PPIG: variants seen among roughly 807,000 people sequenced by gnomAD.
PPIG encodes peptidyl-prolyl cis-trans isomerase G.
In PPIG, 26 loss-of-function variants were observed where a neutral mutation model predicts 87.9. That is an observed-to-expected ratio of 0.30 (90% CI 0.22 to 0.41). PPIG has a LOEUF of 0.41. Ranked by LOEUF, PPIG falls within the 10% of genes least tolerant of loss-of-function variation. The pLI, the probability that PPIG is intolerant of heterozygous loss-of-function variation, is 1.00. For synonymous variants in PPIG, 308 were observed against 276.5 expected (o/e 1.11, Z -1.13); for missense variants, 722 against 879.4 (o/e 0.82, Z 2.26).
intron 9 of PPIG, among the ~76,000 whole-genome samples, chr2:169,615,245 C>G (rs779923142): frequency 3.9e-5 from 6 of 152,170 alleles, no homozygotes; most frequent in Non-Finnish European, 8.8e-5. Flanking sequence ...GATGGGGTTT[C>G]ACCATATTGG....
At chr2:169,605,842 T>C (rs1685311314) in intron 4 of PPIG, among the ~76,000 whole-genome samples, 197 bp from the exon 5 acceptor site, 1 of 152,144 alleles carries the variant, frequency 6.6e-6, no homozygotes, top group Non-Finnish European at 1.5e-5. Context: ...AGGTATATTA[T>C]TTGAGAGTGA....
intron 1 of PPIG, among the ~76,000 whole-genome samples, chr2:169,595,848 G>A (rs1685001436): frequency 1.3e-5 from 2 of 152,256 alleles, no homozygotes; most frequent in Admixed American, 1.3e-4. Flanking sequence ...TTGTTGCCCA[G>A]GCTGGAGTGC....
chr2:169,639,005 G>C lies in PPIG; in HGVS notation c.*1482G>C, dbSNP rs1476920446. The C allele has an allele frequency of 6.6e-6, 1 of 151,946 alleles. No homozygotes were observed. The highest frequency in any genetic ancestry group is 1.5e-5 in the Non-Finnish European group (1 of 67,910). The allele number at this position is 151,946 out of a possible 1,614,324, so 9.4% of individuals were successfully genotyped here. On this transcript the variant is annotated 3_prime_UTR_variant, in exon 14 of 14. Coordinates refer to ENST00000260970, the MANE Select transcript of PPIG (RefSeq NM_004792.3). ...ATCCAGTAGCTACTCAATGCTATTT[G>C]TACTGAATAAAGCAATTATTAACAT...
intron 9 of PPIG, among the ~76,000 whole-genome samples, chr2:169,615,606 C>G (rs1685591011): frequency 6.6e-6 from 1 of 152,186 alleles, no homozygotes; most frequent in African/African-American, 2.4e-5. Flanking sequence ...TATAACATAA[C>G]TTCCTCTGGG....
intron 9 of PPIG, among the ~76,000 whole-genome samples, chr2:169,620,071 C>G (rs1364101417): frequency 6.6e-6 from 1 of 151,966 alleles, no homozygotes; most frequent in Non-Finnish European, 1.5e-5. Context: ...TGTGCAGAAC[C>G]CTGTTAGTTT....
intron 1 of PPIG, among the ~76,000 whole-genome samples, chr2:169,596,389 G>C (rs1027425892): frequency 2.6e-5 from 4 of 152,212 alleles, no homozygotes; most frequent in Non-Finnish European, 5.9e-5. Flanking sequence ...ACAGGCGTGA[G>C]CCTTCGCACC....
At chr2:169,608,073 A>G (rs1032943434) in intron 6 of PPIG, among the ~76,000 whole-genome samples, 12 of 152,334 alleles carry the variant, frequency 7.9e-5, no homozygotes, top group Middle Eastern at 3.4e-3. Context: ...TTATTTAAAT[A>G]AAGTGGTGTT....
Position 169,637,496 on chromosome 2 carries a change from T to G in PPIG, c.2238T>G (p.Pro746=), listed in dbSNP as rs1686215097. Residue 746 remains proline, a synonymous_variant, in exon 14 of 14, where the codon CCT becomes CCG. Transcript: ENST00000260970. ...AAAAATTTGATCATGAATCAAGCCC[T>G]GGAACAGATGAAGACAAAAGCGGAT... ...KNKKFDHESS[P]GTDEDKSG is the part of the protein sequence containing the mutation. The G allele has an allele frequency of 6.3e-7, 1 of 1,590,978 alleles. No individual in the cohort carries two copies. The highest frequency in any genetic ancestry group is 1.4e-5 in the African/African-American group (1 of 73,240).
chr2:169,616,215 A>G (rs780978533), intron 9 of PPIG, among the ~76,000 whole-genome samples: 1 of 152,172 alleles, frequency 6.6e-6, no homozygotes, highest in Admixed American at 6.5e-5. Context: ...TCCATGGTGT[A>G]TATGTGCCAC....
rs751329611 is a variant in PPIG at position 169,636,094 on chromosome 2, T to C, written c.1020T>C (p.Arg340=). 8.1e-6 allele frequency: 13 copies of C among 1,595,970 alleles called. No homozygotes were observed. Among genetic ancestry groups the C allele is most frequent in the Non-Finnish European group, 1.0e-5 (12 of 1,172,980 alleles). The change falls in exon 13 of 14, where the codon CGT becomes CGC. Residue 340 remains arginine (R), a splice_region_variant and synonymous_variant. Transcript: ENST00000260970. ...TTCCCTATTTTAATTTTCTTTAGCG[T>C]TATCGAACTCCTTCCAGATCCAGAT... The part of the protein sequence containing the change: ...GRKIKGRGPR[R]YRTPSRSRSR...
intron 12 of PPIG, among the ~76,000 whole-genome samples, chr2:169,633,975 C>T (rs954573511): frequency 1.3e-5 from 2 of 151,902 alleles, no homozygotes; most frequent in African/African-American, 4.8e-5. Flanking sequence ...ATTACAGGCA[C>T]ATGCCACCAT....
At chr2:169,613,940 AAAAAC>A (rs1685551995) in intron 7 of PPIG, among the ~76,000 whole-genome samples, 1 of 152,222 alleles carries the variant, frequency 6.6e-6, no homozygotes, top group Non-Finnish European at 1.5e-5. Context: ...TCAAAAAAAT[AAAAAC>A]AAAAAAAACT....
chr2:169,590,253 C>T (rs559717182), intron 1 of PPIG, among the ~76,000 whole-genome samples: 10 of 152,176 alleles, frequency 6.6e-5, no homozygotes, highest in East Asian at 3.9e-4. Context: ...TATTTGATAA[C>T]GTCACTGTGT....
At chr2:169,627,692 C>G (rs1454553246) in intron 9 of PPIG, among the ~76,000 whole-genome samples, 1 of 134,626 alleles carries the variant, frequency 7.4e-6, no homozygotes, top group African/African-American at 3.0e-5. Context: ...ATGCCCCTAG[C>G]CAGTGGGCTT....
intron 9 of PPIG, among the ~76,000 whole-genome samples, chr2:169,617,159 C>G (rs1488783461): frequency 2.0e-5 from 3 of 152,148 alleles, no homozygotes; most frequent in African/African-American, 7.2e-5. Context: ...TGTCAAAGAT[C>G]AGATGGTTGT....
At chr2:169,591,569 A>G (rs969687849) in intron 1 of PPIG, among the ~76,000 whole-genome samples, 3 of 152,140 alleles carry the variant, frequency 2.0e-5, no homozygotes, top group Non-Finnish European at 2.9e-5. Context: ...TGTTTTCATT[A>G]TGATGAAAAA....
chr2:169,631,237 GT>G (rs1455539041), intron 10 of PPIG, among the ~76,000 whole-genome samples: 2 of 152,108 alleles, frequency 1.3e-5, no homozygotes, highest in Non-Finnish European at 2.9e-5. Flanking sequence ...ACAGATTTGT[GT>G]GTTTTATAGG....
At chr2:169,629,583 A>G (rs892109293) in intron 9 of PPIG, among the ~76,000 whole-genome samples, 3 of 152,310 alleles carry the variant, frequency 2.0e-5, no homozygotes, top group Non-Finnish European at 4.4e-5. Flanking sequence ...AGCATTTTCT[A>G]TAATTGAACA....
At chr2:169,593,298 G>C (rs982780377) in intron 1 of PPIG, among the ~76,000 whole-genome samples, 7 of 152,072 alleles carry the variant, frequency 4.6e-5, no homozygotes, top group Non-Finnish European at 1.0e-4. Flanking sequence ...GGGCTCAAGT[G>C]ATTCTCCTGC....
Sources: gnomAD v4.1 joint callset for allele counts (sites outside exome capture counted in the v4.1 genomes callset) on GRCh38, gnomAD v4.1.1 for gene constraint, MANE v1.5 for transcripts, NCBI Gene and HGNC (gene_info 2026-07-23, HGNC 2026-07-21) for gene names.